The following TMEM229B variants were observed in gnomAD, a reference collection of about 807,000 sequenced individuals.
TMEM229B encodes the protein chromosome 14 open reading frame 83.
In TMEM229B, 6 loss-of-function variants were observed where a neutral mutation model predicts 13.7. The observed-to-expected ratio is 0.44, with a 90% confidence interval of 0.24 to 0.86. TMEM229B has a LOEUF of 0.86. Among genes scored for constraint, TMEM229B ranks in the 40% least tolerant of loss-of-function variants. The pLI is 0.23. For missense variants in TMEM229B, 170 were observed against 236.0 expected (o/e 0.72, Z 1.83); for synonymous variants, 107 against 102.1 (o/e 1.05, Z -0.29).
intron 2 of TMEM229B, among the ~76,000 whole-genome samples, chr14:67,480,816 C>T (rs1032237666): frequency 1.3e-5 from 2 of 152,206 alleles, no homozygotes; most frequent in Non-Finnish European, 2.9e-5. Flanking sequence ...CTCTTCTTGC[C>T]TCTGATCTCT....
chr14:67,495,442 A>G (rs2032328253), intron 1 of TMEM229B, among the ~76,000 whole-genome samples: 1 of 151,992 alleles, frequency 6.6e-6, no homozygotes, highest in Non-Finnish European at 1.5e-5. Flanking sequence ...TCCACAGCCC[A>G]TAATAATGAG....
chr14:67,482,320 A>G (rs2031634238), intron 2 of TMEM229B, among the ~76,000 whole-genome samples: 2 of 152,238 alleles, frequency 1.3e-5, no homozygotes, highest in South Asian at 4.1e-4. Flanking sequence ...GGCTGAAGGC[A>G]AAACCAGATG....
At chr14:67,505,564 T>C (rs1334406653) in intron 1 of TMEM229B, among the ~76,000 whole-genome samples, 1 of 152,120 alleles carries the variant, frequency 6.6e-6, no homozygotes, top group Non-Finnish European at 1.5e-5. Context: ...TGCACTAATG[T>C]GGGCTGGCAT....
chr14:67,502,117 G>T (rs1335570876), intron 1 of TMEM229B, among the ~76,000 whole-genome samples: 1 of 152,134 alleles, frequency 6.6e-6, no homozygotes, highest in African/African-American at 2.4e-5. Flanking sequence ...TGGATCACCT[G>T]AGGTCGGGAG....
chr14:67,487,362 A>C (rs1226577900), intron 1 of TMEM229B, among the ~76,000 whole-genome samples, 190 bp from the exon 2 acceptor site: 1 of 152,188 alleles, frequency 6.6e-6, no homozygotes, highest in East Asian at 1.9e-4. Flanking sequence ...TCCAGCCACA[A>C]AAGTCTGGGA....
chr14:67,504,954 G>A (rs139571103), intron 1 of TMEM229B, among the ~76,000 whole-genome samples: 3 of 152,100 alleles, frequency 2.0e-5, no homozygotes, highest in African/African-American at 7.2e-5. Flanking sequence ...ATTGTGCATT[G>A]CTGTGTTGCT....
At chr14:67,521,878 A>G (rs1240664412) in intron 1 of TMEM229B, among the ~76,000 whole-genome samples, 1 of 152,218 alleles carries the variant, frequency 6.6e-6, no homozygotes, top group Non-Finnish European at 1.5e-5. Flanking sequence ...AGAGTTGACT[A>G]TGAAAGTTGG....
At chr14:67,491,067 G>C (rs2032148769), upstream of TMEM229B, among the ~76,000 whole-genome samples, 1 of 152,190 alleles carries the variant, frequency 6.6e-6, no homozygotes, top group African/African-American at 2.4e-5. Context: ...CCAGTCACAA[G>C]TAGATCGTCA....
chr14:67,526,523 A>G (rs2033369984), intron 1 of TMEM229B, among the ~76,000 whole-genome samples: 1 of 152,244 alleles, frequency 6.6e-6, no homozygotes, highest in Non-Finnish European at 1.5e-5. Flanking sequence ...CTAGTCTTTT[A>G]TACATCTCAG....
At chr14:67,503,273 C>T (rs2032683542) in intron 1 of TMEM229B, among the ~76,000 whole-genome samples, 1 of 152,190 alleles carries the variant, frequency 6.6e-6, no homozygotes, top group Non-Finnish European at 1.5e-5. Flanking sequence ...AAAAGGACTA[C>T]AGTTTGGGTA....
Position 67,473,311 on chromosome 14 carries a change from G to A in TMEM229B, c.*109C>T. On this transcript the variant is annotated 3_prime_UTR_variant, in exon 3 of 3. Transcript: ENST00000554480. This position sits in a 1 kb window ranked among gnomAD's most constrained non-coding sequence, Gnocchi z 6.5. ...GCTCTGTGTGCCCTATAGGGCTGAG[G>A]CTTGGCCGGAGCAGGGCTTTTGCTG... 2.7e-6 allele frequency: 4 copies of A among 1,470,034 alleles called. No homozygotes were observed. The highest frequency in any genetic ancestry group is 3.7e-6 in the Non-Finnish European group (4 of 1,081,190). 91.1% of individuals were successfully genotyped at this position (1,470,034 alleles called of 1,614,324 possible).
chr14:67,510,170 T>C (rs973160556), intron 1 of TMEM229B, among the ~76,000 whole-genome samples: 5 of 152,222 alleles, frequency 3.3e-5, no homozygotes, highest in South Asian at 2.1e-4. Flanking sequence ...AGCTATCTCA[T>C]TGATATGAGA....
At position 67,514,979 on chromosome 14, in the gene TMEM229B, C is replaced by CATCACCGTCCCCA. The variant is rs11395680; in HGVS notation, c.-192+106_-192+107insTGGGGACGGTGAT. On this transcript the variant is annotated intron_variant, in intron 1 of 2. Transcript: ENST00000357461. ...CCAAGTCCGGTCGCCCAGTCTTCCC[C>CATCACCGTCCCCA]TCACCGTCCCCATCGCCCGCGCCCT... 4 of 152,300 alleles carry CATCACCGTCCCCA rather than the reference C, an allele frequency of 2.6e-5. No homozygotes were observed. The East Asian group carries it at 7.8e-4, about 30-fold the overall frequency. 9.4% of individuals were successfully genotyped at this position (152,300 alleles called of 1,614,324 possible). A position where few individuals can be genotyped will look rare whatever the true frequency, so the allele number is the denominator to read the frequency against.
intron 1 of TMEM229B, chr14:67,533,417 C>A (rs1357472513): frequency 4.0e-5 from 6 of 151,786 alleles, no homozygotes; most frequent in African/African-American, 1.4e-4. Flanking sequence ...CCCGCGCTCC[C>A]GCCGCTGTGG....
intron 1 of TMEM229B, among the ~76,000 whole-genome samples, chr14:67,526,724 G>T (rs1347056809): frequency 6.6e-6 from 1 of 152,114 alleles, no homozygotes; most frequent in Non-Finnish European, 1.5e-5. Context: ...GAATGCTGGG[G>T]CTCAGGGTCC....
At chr14:67,496,917 C>T (rs1356510503) in intron 1 of TMEM229B, among the ~76,000 whole-genome samples, 7 of 151,968 alleles carry the variant, frequency 4.6e-5, no homozygotes, top group South Asian at 2.1e-4. Context: ...CCTGCCTCAG[C>T]GTCCTGAGTA....
At chr14:67,513,129 T>C (rs2033082374) in intron 1 of TMEM229B, among the ~76,000 whole-genome samples, 1 of 152,184 alleles carries the variant, frequency 6.6e-6, no homozygotes, top group Non-Finnish European at 1.5e-5. Flanking sequence ...AGAGTATCAA[T>C]TTCCCATCTT....
chr14:67,513,523 G>A (rs889285169), intron 1 of TMEM229B, among the ~76,000 whole-genome samples: 10 of 152,250 alleles, frequency 6.6e-5, no homozygotes, highest in South Asian at 4.2e-4. Context: ...CCCACCCAAC[G>A]CCTGCCATGC....
chr14:67,475,047 C>T (rs563829837), intron 2 of TMEM229B, among the ~76,000 whole-genome samples: 1 of 151,676 alleles, frequency 6.6e-6, no homozygotes, highest in African/African-American at 2.4e-5. Context: ...TCCTGAGTAG[C>T]TGGGACTACA....
Sources: gnomAD v4.1 joint callset for allele counts (sites outside exome capture counted in the v4.1 genomes callset) on GRCh38, gnomAD v4.1.1 for gene constraint, Gnocchi (gnomAD v3.1) non-coding constraint, MANE v1.5 for transcripts, NCBI Gene and HGNC (gene_info 2026-07-23, HGNC 2026-07-21) for gene names.